KDSR: variants seen among roughly 807,000 people sequenced by gnomAD.
KDSR encodes 3-dehydrosphinganine reductase.
A neutral mutation model predicts 41.3 loss-of-function variants in KDSR; 23 were observed. The ratio of observed to expected loss-of-function variants is 0.56; its 90% CI spans 0.40 to 0.79. The LOEUF is 0.79. KDSR is among the 30% of genes least tolerant of loss of function. KDSR has a pLI of 0.00. For synonymous variants in KDSR, 138 were observed against 151.7 expected, an observed-to-expected ratio of 0.91 and a Z score of 0.66; for missense variants, 351 against 416.8, an observed-to-expected ratio of 0.84 and a Z score of 1.37.
At position 63,332,901 on chromosome 18, in the gene KDSR, T is replaced by C. The variant is rs376431971; in HGVS notation, c.880-1000A>G. Among the ~76,000 whole-genome samples, 19 of 150,624 alleles carry C rather than the reference T, an allele frequency of 1.3e-4. No homozygotes were observed. The South Asian group carries it at 2.7e-3, about 22-fold the overall frequency. ...TTTTTTCCCTACACCCTCAGAGCAC[T>C]GAAGCCAGTCCTTGGATCTTCCGGA... On this transcript the variant is annotated intron_variant, in intron 9 of 9. Coordinates refer to ENST00000645214, the MANE Select transcript of KDSR (RefSeq NM_002035.4).
intron 5 of KDSR, among the ~76,000 whole-genome samples, chr18:63,354,026 A>G (rs1400016319): frequency 6.6e-6 from 1 of 152,154 alleles, no homozygotes; most frequent in African/African-American, 2.4e-5. Context: ...AAAAAAAGGC[A>G]GTTAGATCTT....
At chr18:63,340,190 A>C (rs1194368169) in intron 7 of KDSR, among the ~76,000 whole-genome samples, 1 of 152,246 alleles carries the variant, frequency 6.6e-6, no homozygotes, top group African/African-American at 2.4e-5. Flanking sequence ...AAACCTTAAC[A>C]GGGAAATCAC....
intron 8 of KDSR, chr18:63,336,091 G>C: frequency 6.6e-6 from 1 of 152,378 alleles, no homozygotes; most frequent in East Asian, 1.9e-4. Context: ...ATGCAGTGGT[G>C]TGATCTCTGC....
At chr18:63,356,009 C>T (rs866322591) in intron 3 of KDSR, among the ~76,000 whole-genome samples, 14 of 152,192 alleles carry the variant, frequency 9.2e-5, no homozygotes, top group African/African-American at 3.4e-4. Flanking sequence ...ATATAACCTG[C>T]AGCATTCTAG....
chr18:63,361,192 A>G (rs1914973455), intron 2 of KDSR, among the ~76,000 whole-genome samples: 1 of 129,290 alleles, frequency 7.7e-6, no homozygotes, highest in Non-Finnish European at 1.6e-5. Context: ...CCTGGGTTAC[A>G]GAGCAAAACT....
intron 8 of KDSR, chr18:63,336,089 G>T (rs190481002): frequency 6.6e-6 from 1 of 152,370 alleles, no homozygotes; most frequent in African/African-American, 2.4e-5. Context: ...GAATGCAGTG[G>T]TGTGATCTCT....
At chr18:63,365,141 T>C (rs1307716418) in intron 1 of KDSR, among the ~76,000 whole-genome samples, 2 of 152,254 alleles carry the variant, frequency 1.3e-5, no homozygotes, top group African/African-American at 2.4e-5. Flanking sequence ...TGTAAAAATA[T>C]AGCTGTTGTT....
rs1263103927 is a variant in KDSR, at chr18:63,337,805, G to A, written c.777+995C>T. 6.8e-4 allele frequency among the ~76,000 whole-genome samples: 104 copies of A among 152,262 alleles called. 1 individual carries two copies. Among genetic ancestry groups the A allele is most frequent in the Non-Finnish European group, 2.8e-4 (19 of 68,028 alleles). On this transcript the variant is annotated intron_variant, in intron 8 of 9. Coordinates refer to ENST00000645214, the MANE Select transcript of KDSR (RefSeq NM_002035.4). Reference sequence around the variant, plus strand: ...TAGCCAGGTGTGGTTGTGAGCACCTGTAATCCCAGCTACTCAGAAGGCCGA... The same window carrying A: ...TAGCCAGGTGTGGTTGTGAGCACCTATAATCCCAGCTACTCAGAAGGCCGA...
chr18:63,344,564 C>T (rs1914441967), intron 6 of KDSR, 71 bp from the exon 7 acceptor site: 1 of 1,051,374 alleles, frequency 9.5e-7, no homozygotes, highest in African/African-American at 1.6e-5. Flanking sequence ...CCAACCTGCA[C>T]TGGCTGCCCT....
In KDSR at chr18:63,330,581, G is replaced by C. The variant is rs1599318003; in HGVS notation, c.*1201C>G. 2 of 231,934 alleles carry C rather than the reference G, an allele frequency of 8.6e-6. No homozygotes were observed. Among genetic ancestry groups the C allele is most frequent in the South Asian group, 3.6e-4 (2 of 5,518 alleles). The allele number at this position is 231,934 out of a possible 1,614,324, so 14.4% of individuals were successfully genotyped here. The stretch of plus-strand genomic sequence containing the variant: ...AATAATGTCTGCAGGTTCAGTGGGA[G>C]AGTCACATAAAGAACAGGTGATCAT... On this transcript the variant is annotated 3_prime_UTR_variant, in exon 10 of 10. Coordinates refer to ENST00000645214, the MANE Select transcript of KDSR (RefSeq NM_002035.4).
chr18:63,366,409 A>T (rs528739522), intron 1 of KDSR: 55 of 152,630 alleles, frequency 3.6e-4, no homozygotes, highest in Admixed American at 9.8e-4. Context: ...CAATACCGCT[A>T]AGCCACCACC....
chr18:63,335,143 T>G, intron 9 of KDSR, 114 bp downstream of exon 9: 1 of 640,548 alleles, frequency 1.6e-6, no homozygotes, highest in Non-Finnish European at 2.7e-6. Context: ...TAAAAATACA[T>G]TGTCAAATAA....
intron 2 of KDSR, among the ~76,000 whole-genome samples, chr18:63,361,891 G>A (rs1489129052): frequency 2.6e-5 from 4 of 152,140 alleles, no homozygotes; most frequent in Admixed American, 1.3e-4. Flanking sequence ...TTTCCCCCAA[G>A]GCCCTTCCTG....
intron 2 of KDSR, among the ~76,000 whole-genome samples, chr18:63,361,580 G>A (rs1914987618): frequency 6.6e-6 from 1 of 152,018 alleles, no homozygotes; most frequent in Admixed American, 6.6e-5. Flanking sequence ...ACTTTGGGAG[G>A]CCAAGGCGGG....
chr18:63,336,654 T>C (rs1260191101), intron 8 of KDSR, among the ~76,000 whole-genome samples: 1 of 152,160 alleles, frequency 6.6e-6, no homozygotes, highest in East Asian at 1.9e-4. Flanking sequence ...TCATGAATGG[T>C]TAAAAGATCC....
At chr18:63,365,553 G>A (rs956367421) in intron 1 of KDSR, among the ~76,000 whole-genome samples, 2 of 152,222 alleles carry the variant, frequency 1.3e-5, no homozygotes, top group African/African-American at 2.4e-5. Context: ...CACCTGAACA[G>A]ACACAGCATT....
At chr18:63,346,072 G>A (rs560445205) in intron 6 of KDSR, 24 of 152,180 alleles carry the variant, frequency 1.6e-4, no homozygotes, top group African/African-American at 5.5e-4. Flanking sequence ...GGAGCTTCAA[G>A]GGGAAGGAGA....
chr18:63,362,682 G>C, intron 2 of KDSR, 97 bp downstream of exon 2: 1 of 770,588 alleles, frequency 1.3e-6, no homozygotes, highest in Non-Finnish European at 2.2e-6. Context: ...AGGAAGAAGC[G>C]CTTTCTAGGT....
chr18:63,334,008 G>T (rs1472665858), intron 9 of KDSR, among the ~76,000 whole-genome samples: 1 of 152,122 alleles, frequency 6.6e-6, no homozygotes, highest in Non-Finnish European at 1.5e-5. Flanking sequence ...AAGAATTCAT[G>T]CATTTGTTCA....
Sources: allele counts gnomAD v4.1 joint callset (sites outside exome capture counted in the v4.1 genomes callset), GRCh38; gene constraint gnomAD v4.1.1; transcripts MANE v1.5; gene names NCBI Gene and HGNC (gene_info 2026-07-23, HGNC 2026-07-21).